JAKMIP3: variants seen among roughly 807,000 people sequenced by gnomAD.
The protein encoded by JAKMIP3 is janus kinase and microtubule-interacting protein 3.
JAKMIP3 carries 58 observed loss-of-function variants against 118.5 expected under a neutral mutation model. The ratio of observed to expected loss-of-function variants is 0.49; its 90% CI spans 0.40 to 0.61. The LOEUF is 0.61. Ranked by LOEUF, JAKMIP3 falls within the 20% of genes least tolerant of loss-of-function variation. The pLI, the probability that JAKMIP3 is intolerant of heterozygous loss-of-function variation, is 0.00. For synonymous variants in JAKMIP3, 486 were observed against 451.2 expected (o/e 1.08, Z -0.98); for missense variants, 950 against 1,109.0 (o/e 0.86, Z 2.04).
chr10:132,036,728 G>T (rs1191870338), exon 1 of JAKMIP3, among the ~76,000 whole-genome samples: 1 of 150,938 alleles, frequency 6.6e-6, no homozygotes, highest in Non-Finnish European at 1.5e-5. Flanking sequence ...AGTCGCTCGC[G>T]GGGAGCCTCG....
At chr10:132,149,571 T>TCCCTGCCCCCGCCCCACCCCCC in intron 15 of JAKMIP3, 61 bp downstream of exon 15, 2 of 311,812 alleles carry the variant, frequency 6.4e-6, no homozygotes, top group African/African-American at 1.1e-4. Flanking sequence ...CCCCACCCCC[T>TCCCTGCCCCCGCCCCACCCCCC]CTCCGCCCCC....
chr10:132,167,323 A>G (rs977591100), intron 22 of JAKMIP3, among the ~76,000 whole-genome samples: 1 of 152,182 alleles, frequency 6.6e-6, no homozygotes, highest in Non-Finnish European at 1.5e-5. Flanking sequence ...GGTTCCCACC[A>G]CCACCCCAGT....
At chr10:132,047,476 A>C (rs1366734689) in intron 1 of JAKMIP3, among the ~76,000 whole-genome samples, 1 of 152,180 alleles carries the variant, frequency 6.6e-6, no homozygotes, top group African/African-American at 2.4e-5. Flanking sequence ...ACTTCAGATA[A>C]AGTTCTTTTT....
intron 1 of JAKMIP3, among the ~76,000 whole-genome samples, chr10:132,083,088 G>A (rs2041986547): frequency 6.6e-6 from 1 of 152,190 alleles, no homozygotes; most frequent in East Asian, 1.9e-4. Flanking sequence ...GGTAGATCTA[G>A]TTCTTTAAGG....
At chr10:132,092,396 A>G (rs1323138471) in intron 1 of JAKMIP3, among the ~76,000 whole-genome samples, 1 of 152,198 alleles carries the variant, frequency 6.6e-6, no homozygotes, top group Non-Finnish European at 1.5e-5. Flanking sequence ...CATCACTTTC[A>G]GGTACATCAG....
rs752532185 is a variant in JAKMIP3, at chr10:132,118,682, C to T, written c.633+1108C>T. 7.9e-5 allele frequency among the ~76,000 whole-genome samples: 12 copies of T among 152,336 alleles called. No individual in the cohort carries two copies. Among genetic ancestry groups the T allele is most frequent in the Middle Eastern group, 3.4e-3 (1 of 294 alleles). Reference sequence around the variant, plus strand: ...CAGTGTACACGTGGGTGCCCCCAAACGTGCCTAACCCGGGTGATTCCCTTC... The same window carrying T: ...CAGTGTACACGTGGGTGCCCCCAAATGTGCCTAACCCGGGTGATTCCCTTC... On this transcript the variant is annotated intron_variant, in intron 3 of 23. Coordinates refer to ENST00000684848, the MANE Select transcript of JAKMIP3 (RefSeq NM_001323087.2). The surrounding 1 kb of genome is among the most constrained non-coding windows in gnomAD (Gnocchi z 4.8).
chr10:132,138,398 G>C (rs1477244649), intron 9 of JAKMIP3, among the ~76,000 whole-genome samples: 1 of 149,880 alleles, frequency 6.7e-6, no homozygotes, highest in African/African-American at 2.5e-5. Flanking sequence ...AGTACGCCGG[G>C]TGTGTGCGGA....
chr10:132,086,665 T>C (rs1260015563), intron 1 of JAKMIP3, among the ~76,000 whole-genome samples: 1 of 152,236 alleles, frequency 6.6e-6, no homozygotes, highest in African/African-American at 2.4e-5. Context: ...TTGTCTGATA[T>C]AAGAATAGCT....
At position 132,180,772 on chromosome 10, in the gene JAKMIP3, T is replaced by TGCGTGTGCGTGC. The variant is rs527859135; in HGVS notation, c.*1104-1584_*1104-1583insCGTGTGCGTGCG. 1.3e-4 allele frequency among the ~76,000 whole-genome samples: 8 copies of TGCGTGTGCGTGC among 63,678 alleles called. 3 individuals are homozygous for TGCGTGTGCGTGC. Among genetic ancestry groups the TGCGTGTGCGTGC allele is most frequent in the African/African-American group, 4.9e-4 (6 of 12,152 alleles). The allele number at this position is 63,678 out of a possible 152,430, so 41.8% of individuals were successfully genotyped here. On this transcript the variant is annotated intron_variant, in intron 23 of 23. Coordinates refer to ENST00000684848, the MANE Select transcript of JAKMIP3 (RefSeq NM_001323087.2). ...GCGCGCGTGTGTGCGTGTGTGTGCG[T>TGCGTGTGCGTGC]GTGTGTGTGTGCGCGTATGCATGTG...
chr10:132,136,822 G>T (rs1387470388), intron 6 of JAKMIP3, among the ~76,000 whole-genome samples, 197 bp from the exon 7 acceptor site: 2 of 152,206 alleles, frequency 1.3e-5, no homozygotes, highest in Non-Finnish European at 2.9e-5. Context: ...TGCCCTTGCT[G>T]CAGGACTGGG....
At chr10:132,134,935 C>A in intron 4 of JAKMIP3, 106 bp from the exon 5 acceptor site, 2 of 1,362,866 alleles carry the variant, frequency 1.5e-6, no homozygotes, top group South Asian at 1.3e-5. Flanking sequence ...GAGGTAAAGG[C>A]GCGCGTCCCA....
At chr10:132,143,684 TATTATA>T (rs2054036564) in intron 11 of JAKMIP3, 1 of 152,204 alleles carries the variant, frequency 6.6e-6, no homozygotes. Flanking sequence ...TCTGATTCTG[TATTATA>T]ATTGGAAATG....
chr10:132,097,940 T>TCTTTC (rs1554928191), intron 1 of JAKMIP3, among the ~76,000 whole-genome samples: 1 of 35,408 alleles, frequency 2.8e-5, no homozygotes, highest in South Asian at 1.6e-3. Flanking sequence ...CCTTCCCCTT[T>TCTTTC]CCCTTTCCCA....
At chr10:132,110,748 C>T (rs1041430770) in intron 2 of JAKMIP3, among the ~76,000 whole-genome samples, 2 of 152,234 alleles carry the variant, frequency 1.3e-5, no homozygotes, top group Non-Finnish European at 2.9e-5. Context: ...CTCCAGGTGC[C>T]AGCCCTCTGT....
intron 16 of JAKMIP3, among the ~76,000 whole-genome samples, chr10:132,150,367 G>A (rs2055862078): frequency 6.6e-6 from 1 of 152,170 alleles, no homozygotes; most frequent in Admixed American, 6.5e-5. Context: ...AGACCCTTAG[G>A]GGTTCCACTT....
Position 132,136,086 on chromosome 10 carries a change from T to TGG in JAKMIP3, c.1116+15_1116+16dup, listed in dbSNP as rs748801703. ...GGAGAACATAGAAATGGTGAGGGGGTGGGGGGCTCCACGGGGCCACGGTCG... is the reference window on the plus strand; with the variant it reads ...GGAGAACATAGAAATGGTGAGGGGGTGGGGGGGGCTCCACGGGGCCACGGTCG... On this transcript the variant is annotated intron_variant, in intron 6 of 23. Transcript: ENST00000684848. 1 of 1,606,870 alleles carries TGG rather than the reference T, an allele frequency of 6.2e-7. No individual in the cohort carries two copies. The highest frequency in any genetic ancestry group is 1.1e-5 in the South Asian group (1 of 90,872).
chr10:132,180,616 CGTGTGTGTGCGTGTGT>C lies in JAKMIP3; in HGVS notation c.*1104-1739_*1104-1724del, dbSNP rs1157479047. 2.7e-4 allele frequency among the ~76,000 whole-genome samples: 4 copies of C among 14,612 alleles called. 1 individual carries two copies. The highest frequency in any genetic ancestry group is 1.6e-3 in the African/African-American group (4 of 2,554). The allele number at this position is 14,612 out of a possible 152,430, so 9.6% of individuals were successfully genotyped here. On this transcript the variant is annotated intron_variant, in intron 23 of 23. Coordinates refer to ENST00000684848, the MANE Select transcript of JAKMIP3 (RefSeq NM_001323087.2). ...GTGTGTGCGTGCGCGTGTGTGTGTG[CGTGTGTGTGCGTGTGT>C]GCGTGCGTGTGTGCGTGTGCGTGTG...
upstream of JAKMIP3, among the ~76,000 whole-genome samples, chr10:132,063,730 G>C (rs1404940081): frequency 2.0e-5 from 3 of 152,152 alleles, no homozygotes; most frequent in Non-Finnish European, 4.4e-5. Context: ...GCATCTGTTT[G>C]GAAATGAAAG....
At chr10:132,098,364 G>A (rs9419184) in intron 1 of JAKMIP3, among the ~76,000 whole-genome samples, 93,062 of 151,932 alleles carry the variant, frequency 0.61, 28,758 homozygotes, top group East Asian at 0.71. Context: ...GCTAGATTCA[G>A]TTCTGGAGAT....
Sources: gnomAD v4.1 joint callset for allele counts (sites outside exome capture counted in the v4.1 genomes callset) on GRCh38, gnomAD v4.1.1 for gene constraint, Gnocchi (gnomAD v3.1) non-coding constraint, MANE v1.5 for transcripts, NCBI Gene and HGNC (gene_info 2026-07-23, HGNC 2026-07-21) for gene names.